The following PTPRD variants were observed in gnomAD, a reference collection of about 807,000 sequenced individuals.
PTPRD encodes the protein protein tyrosine phosphatase receptor type D, also known as receptor-type tyrosine-protein phosphatase delta.
A neutral mutation model predicts 214.5 loss-of-function variants in PTPRD; 34 were observed. That is an observed-to-expected ratio of 0.16 (90% confidence interval 0.12 to 0.21). The LOEUF (loss-of-function observed/expected upper bound fraction) is 0.21. Among genes scored for constraint, PTPRD ranks in the 10% least tolerant of loss-of-function variants. PTPRD has a pLI of 1.00. For synonymous variants in PTPRD, 1,128 were observed against 845.7 expected (o/e 1.33, Z -5.79); for missense variants, 2,545 against 2,398.7 (o/e 1.06, Z -1.27).
intron 4 of PTPRD, among the ~76,000 whole-genome samples, chr9:9,941,519 C>T (rs544546166): frequency 7.2e-5 from 11 of 152,246 alleles, no homozygotes; most frequent in African/African-American, 1.4e-4. Flanking sequence ...GATGGAGTTT[C>T]GCCGTATTGG....
chr9:9,279,881 A>C (rs903266941), intron 9 of PTPRD, among the ~76,000 whole-genome samples: 1 of 151,122 alleles, frequency 6.6e-6, no homozygotes, highest in Admixed American at 6.6e-5. Context: ...AAATTCACTC[A>C]CGCCACTCTA....
intron 10 of PTPRD, among the ~76,000 whole-genome samples, chr9:9,055,512 C>G (rs55944011): frequency 0.061 from 9,233 of 152,140 alleles, 329 homozygotes; most frequent in Middle Eastern, 0.11. Flanking sequence ...TATCCCAGCA[C>G]TATGGCCCAG....
rs78369761 is a variant in PTPRD, at chr9:9,479,774, C to T, written c.-236-82292G>A. ...AACAAAACAAAAAACTCTTAAATTCCCCTATTTGTCCTCTCAGGAAGATAC... is the reference window on the plus strand; with the variant it reads ...AACAAAACAAAAAACTCTTAAATTCTCCTATTTGTCCTCTCAGGAAGATAC... On this transcript the variant is annotated intron_variant, in intron 8 of 45. Transcript: ENST00000381196. Among the ~76,000 whole-genome samples, 1,450 of 151,506 alleles carry T rather than the reference C, an allele frequency of 9.6e-3. 16 individuals carry two copies. Among genetic ancestry groups the T allele is most frequent in the African/African-American group, 0.033 (1,381 of 41,330 alleles).
chr9:8,445,288 T>G (rs10815876), intron 34 of PTPRD, among the ~76,000 whole-genome samples: 4 of 151,940 alleles, frequency 2.6e-5, no homozygotes, highest in Non-Finnish European at 4.4e-5. Flanking sequence ...ATTATTCTCT[T>G]AAATGATTAG....
At chr9:10,575,982 G>C (rs2069171432) in intron 2 of PTPRD, among the ~76,000 whole-genome samples, 1 of 152,024 alleles carries the variant, frequency 6.6e-6, no homozygotes, top group East Asian at 1.9e-4. Flanking sequence ...GATCAGATTA[G>C]GATGGTTATT....
At chr9:9,631,908 G>T (rs529398541) in intron 7 of PTPRD, among the ~76,000 whole-genome samples, 1 of 152,070 alleles carries the variant, frequency 6.6e-6, no homozygotes, top group Non-Finnish European at 1.5e-5. Context: ...TGTCAATAAA[G>T]AATTAGTGCT....
intron 28 of PTPRD, 182 bp from the exon 29 acceptor site, chr9:8,485,506 T>C: frequency 1.6e-6 from 1 of 620,368 alleles, no homozygotes; most frequent in Non-Finnish European, 2.8e-6. Flanking sequence ...GATCTTTCCT[T>C]TCTCTCCAAT....
chr9:8,832,449 T>C (rs1405053238), intron 11 of PTPRD, among the ~76,000 whole-genome samples: 1 of 122,312 alleles, frequency 8.2e-6, no homozygotes, highest in East Asian at 2.4e-4. Flanking sequence ...CACTTCACAA[T>C]GTGAAAATTA....
At position 8,544,164 on chromosome 9, in the gene PTPRD, C is replaced by CTTTTTTTTTTT. The variant is rs373194856; in HGVS notation, c.353-15396_353-15386dup. On this transcript the variant is annotated intron_variant, in intron 14 of 45. Transcript: ENST00000381196. ...GTGCAAAAGTAAGGTTTTGCCATTA[C>CTTTTTTTTTTT]TTTTTTTTTTTTTTTTTTTTTGAGA... is the stretch of plus-strand genomic sequence containing the variant. 5.1e-4 allele frequency among the ~76,000 whole-genome samples: 57 copies of CTTTTTTTTTTT among 111,142 alleles called. 1 individual carries two copies. Among genetic ancestry groups the CTTTTTTTTTTT allele is most frequent in the South Asian group, 9.1e-4 (3 of 3,300 alleles). The allele number at this position is 111,142 out of a possible 152,430, so 72.9% of individuals were successfully genotyped here.
chr9:8,881,525 C>T (rs909853825), intron 11 of PTPRD, among the ~76,000 whole-genome samples: 8 of 152,134 alleles, frequency 5.3e-5, no homozygotes, highest in Non-Finnish European at 1.0e-4. Context: ...GTTTACTATA[C>T]ATCACAATGT....
intron 3 of PTPRD, among the ~76,000 whole-genome samples, chr9:10,162,586 T>A (rs2099133762): frequency 6.7e-6 from 1 of 149,958 alleles, no homozygotes. Flanking sequence ...GATGAATGGG[T>A]ACGAACTAAC....
intron 4 of PTPRD, among the ~76,000 whole-genome samples, chr9:10,016,132 C>T (rs911365669): frequency 6.6e-6 from 1 of 152,168 alleles, no homozygotes; most frequent in Non-Finnish European, 1.5e-5. Context: ...CTAATGTGAT[C>T]TCCCTAAATA....
At chr9:10,304,303 A>G (rs762339017) in intron 3 of PTPRD, among the ~76,000 whole-genome samples, 1 of 152,216 alleles carries the variant, frequency 6.6e-6, no homozygotes, top group African/African-American at 2.4e-5. Flanking sequence ...CACAGTCAAT[A>G]TCATACAGAA....
At chr9:9,657,737 T>C (rs2096546894) in intron 7 of PTPRD, among the ~76,000 whole-genome samples, 1 of 152,336 alleles carries the variant, frequency 6.6e-6, no homozygotes, top group Middle Eastern at 3.4e-3. Flanking sequence ...AAAGCATTCT[T>C]TGACATAGGA....
intron 5 of PTPRD, among the ~76,000 whole-genome samples, chr9:9,776,564 T>G (rs1386793778): frequency 1.3e-5 from 2 of 152,206 alleles, no homozygotes; most frequent in Non-Finnish European, 2.9e-5. Flanking sequence ...ATTCATAGTG[T>G]AATTTATTAT....
chr9:10,265,922 G>C (rs950347922), intron 3 of PTPRD, among the ~76,000 whole-genome samples: 2 of 152,098 alleles, frequency 1.3e-5, no homozygotes, highest in Non-Finnish European at 2.9e-5. Flanking sequence ...AAAATATAAA[G>C]CTTTCATCAC....
intron 10 of PTPRD, among the ~76,000 whole-genome samples, chr9:9,174,986 A>T (rs1017511704): frequency 6.6e-6 from 1 of 151,808 alleles, no homozygotes; most frequent in Non-Finnish European, 1.5e-5. Context: ...ATATCATTAT[A>T]AAAGAGTACC....
intron 12 of PTPRD, among the ~76,000 whole-genome samples, chr9:8,651,711 G>A (rs1432700116): frequency 6.6e-6 from 1 of 152,042 alleles, no homozygotes; most frequent in Non-Finnish European, 1.5e-5. Context: ...ACTCAAAGAG[G>A]GGGAAGGGCC....
intron 5 of PTPRD, among the ~76,000 whole-genome samples, chr9:9,854,690 T>A (rs906434471): frequency 1.3e-5 from 2 of 152,138 alleles, no homozygotes; most frequent in African/African-American, 4.8e-5. Flanking sequence ...TTATTTGAAT[T>A]ATAATCCAGT....
Sources: gnomAD v4.1 joint callset for allele counts (sites outside exome capture counted in the v4.1 genomes callset) on GRCh38, gnomAD v4.1.1 for gene constraint, MANE v1.5 for transcripts, NCBI Gene and HGNC (gene_info 2026-07-23, HGNC 2026-07-21) for gene names.